Variants in PTPRD observed in about 807,000 individuals in gnomAD.
PTPRD encodes the protein protein tyrosine phosphatase receptor type D, also known as receptor-type tyrosine-protein phosphatase delta.
Under a neutral mutation model 214.5 loss-of-function variants are expected in PTPRD, and 34 were observed. The observed-to-expected ratio is 0.16, with a 90% CI of 0.12 to 0.21. The LOEUF is 0.21. Among genes scored for constraint, PTPRD ranks in the 10% least tolerant of loss-of-function variants. The pLI, the probability that PTPRD is intolerant of heterozygous loss-of-function variation, is 1.00. For missense variants in PTPRD, 2,545 were observed against 2,398.7 expected (o/e 1.06, Z -1.27); for synonymous variants, 1,128 against 845.7 (o/e 1.33, Z -5.79).
chr9:10,441,811 T>C (rs1304741520), intron 2 of PTPRD, among the ~76,000 whole-genome samples: 2 of 151,738 alleles, frequency 1.3e-5, no homozygotes, highest in Non-Finnish European at 1.5e-5. Flanking sequence ...ACACTAGTAA[T>C]ATATTCATTT....
chr9:8,617,832 A>C (rs2095662682), intron 14 of PTPRD, among the ~76,000 whole-genome samples: 1 of 152,140 alleles, frequency 6.6e-6, no homozygotes, highest in Admixed American at 6.6e-5. Context: ...AAAAGTTGCC[A>C]TTGAAAGGCA....
At chr9:10,247,741 G>C (rs1595277095) in intron 3 of PTPRD, among the ~76,000 whole-genome samples, 2 of 152,244 alleles carry the variant, frequency 1.3e-5, no homozygotes, top group South Asian at 4.1e-4. Flanking sequence ...AGCCAGAGGA[G>C]AGAAAGAAGT....
intron 7 of PTPRD, among the ~76,000 whole-genome samples, chr9:9,582,148 A>G (rs566882184): frequency 2.6e-5 from 4 of 152,056 alleles, no homozygotes; most frequent in African/African-American, 9.7e-5. Context: ...CTCAACATCC[A>G]TCTTACTTTA....
intron 8 of PTPRD, among the ~76,000 whole-genome samples, chr9:9,453,521 C>G (rs935937125): frequency 3.3e-5 from 5 of 151,380 alleles, no homozygotes; most frequent in Non-Finnish European, 5.9e-5. Flanking sequence ...TCAAGGTTGC[C>G]TTATTAAATT....
intron 7 of PTPRD, among the ~76,000 whole-genome samples, chr9:9,614,024 A>G (rs1488750849): frequency 6.6e-6 from 1 of 152,154 alleles, no homozygotes; most frequent in African/African-American, 2.4e-5. Flanking sequence ...TTGTCATAAT[A>G]GAAGTGTGAT....
At chr9:9,270,577 G>T (rs1474662331) in intron 9 of PTPRD, among the ~76,000 whole-genome samples, 1 of 151,364 alleles carries the variant, frequency 6.6e-6, no homozygotes, top group East Asian at 2.0e-4. Flanking sequence ...GGTGAGTTAG[G>T]AAAGATCAGG....
chr9:10,406,531 C>G (rs1414636279), intron 2 of PTPRD, among the ~76,000 whole-genome samples: 2 of 151,490 alleles, frequency 1.3e-5, no homozygotes, highest in Non-Finnish European at 3.0e-5. Context: ...CCCCACAGAG[C>G]AAGCATCACC....
intron 2 of PTPRD, among the ~76,000 whole-genome samples, chr9:10,605,225 T>G (rs889024313): frequency 1.8e-4 from 27 of 151,856 alleles, no homozygotes; most frequent in Non-Finnish European, 1.6e-4. Context: ...CTCTGTCTAT[T>G]CTCTTTCCTG....
At chr9:8,932,482 C>A (rs1250177225) in intron 11 of PTPRD, among the ~76,000 whole-genome samples, 2 of 152,154 alleles carry the variant, frequency 1.3e-5, no homozygotes, top group South Asian at 4.1e-4. Context: ...GCTACCCTTT[C>A]CCCCAGGTGC....
intron 5 of PTPRD, among the ~76,000 whole-genome samples, chr9:9,886,543 C>G (rs950193968): frequency 2.0e-5 from 3 of 152,024 alleles, no homozygotes; most frequent in Non-Finnish European, 4.4e-5. Context: ...GTGTATTTTC[C>G]AAAATGACTG....
At chr9:10,279,543 G>A (rs186571693) in intron 3 of PTPRD, among the ~76,000 whole-genome samples, 53 of 151,168 alleles carry the variant, frequency 3.5e-4, no homozygotes, top group African/African-American at 1.2e-3. Context: ...TAAAACTTTC[G>A]GAATACTATT....
At chr9:10,044,763 A>G (rs1337844795) in intron 3 of PTPRD, among the ~76,000 whole-genome samples, 1 of 151,742 alleles carries the variant, frequency 6.6e-6, no homozygotes, top group African/African-American at 2.4e-5. Flanking sequence ...TGTTATTATT[A>G]TAATCACACA....
chr9:10,207,455 A>G (rs1005760090), intron 3 of PTPRD, among the ~76,000 whole-genome samples: 1 of 151,468 alleles, frequency 6.6e-6, no homozygotes, highest in African/African-American at 2.4e-5. Context: ...ATAACTAGAA[A>G]GGGTTCACTC....
chr9:10,387,882 A>G (rs1052158737), intron 2 of PTPRD, among the ~76,000 whole-genome samples: 1 of 142,172 alleles, frequency 7.0e-6, no homozygotes, highest in East Asian at 2.0e-4. Context: ...GCTGGTATCA[A>G]ACTCCTTGGC....
chr9:9,805,077 T>G (rs1329989618), intron 5 of PTPRD, among the ~76,000 whole-genome samples: 1 of 152,074 alleles, frequency 6.6e-6, no homozygotes, highest in Non-Finnish European at 1.5e-5. Context: ...ACACTCTCTT[T>G]TAATTAGAAA....
At chr9:8,378,800 T>TA (rs1452465787) in intron 37 of PTPRD, among the ~76,000 whole-genome samples, 3 of 152,076 alleles carry the variant, frequency 2.0e-5, no homozygotes, top group Non-Finnish European at 4.4e-5. Flanking sequence ...TTAGACCTTC[T>TA]AGTGAGGTAA....
intron 3 of PTPRD, among the ~76,000 whole-genome samples, chr9:10,184,197 G>A (rs2154311025): frequency 6.6e-6 from 1 of 152,216 alleles, no homozygotes; most frequent in Admixed American, 6.5e-5. Flanking sequence ...GGCCGAGGTG[G>A]GCAGATTACT....
chr9:8,342,660 C>T (rs966570629), intron 39 of PTPRD, among the ~76,000 whole-genome samples: 3 of 152,034 alleles, frequency 2.0e-5, no homozygotes, highest in African/African-American at 7.2e-5. Context: ...TGTTTCCTGT[C>T]ATCTGTGTAT....
intron 44 of PTPRD, among the ~76,000 whole-genome samples, chr9:8,326,239 G>A (rs369118880): frequency 6.8e-4 from 104 of 152,224 alleles, no homozygotes; most frequent in African/African-American, 2.2e-3. Context: ...TTTGAGATAC[G>A]TTCCATCAGT....
Sources: allele counts gnomAD v4.1 joint callset (sites outside exome capture counted in the v4.1 genomes callset), GRCh38; gene constraint gnomAD v4.1.1; transcripts MANE v1.5; gene names NCBI Gene and HGNC (gene_info 2026-07-23, HGNC 2026-07-21).